AGAP1: variants seen among roughly 807,000 people sequenced by gnomAD.
AGAP1 encodes the protein arf-GAP with GTPase, ANK repeat and PH domain-containing protein 1.
AGAP1 carries 29 observed loss-of-function variants against 105.3 expected under a neutral mutation model. The ratio of observed to expected loss-of-function variants is 0.28; its 90% CI spans 0.21 to 0.38. The LOEUF (loss-of-function observed/expected upper bound fraction) is 0.38, where lower values mean the gene tolerates loss of function less well. Ranked by LOEUF, AGAP1 falls within the 10% of genes least tolerant of loss-of-function variation. The pLI is 1.00. For synonymous variants in AGAP1, 509 were observed against 485.9 expected, an observed-to-expected ratio of 1.05 and a Z score of -0.63; for missense variants, 998 against 1,165.1, an observed-to-expected ratio of 0.86 and a Z score of 2.09.
At chr2:236,048,617 A>C (rs146042834) in intron 15 of AGAP1, among the ~76,000 whole-genome samples, 1 of 152,182 alleles carries the variant, frequency 6.6e-6, no homozygotes, top group Non-Finnish European at 1.5e-5. Context: ...AGAGGTAGCA[A>C]TGAAGGAATG....
chr2:235,576,691 G>A (rs569847398), intron 1 of AGAP1, among the ~76,000 whole-genome samples: 2 of 152,256 alleles, frequency 1.3e-5, no homozygotes, highest in South Asian at 4.1e-4. Flanking sequence ...GGAGGGGGAT[G>A]CCTTGGCCTG....
intron 9 of AGAP1, among the ~76,000 whole-genome samples, chr2:235,812,877 G>A (rs757282190): frequency 1.2e-4 from 18 of 152,240 alleles, no homozygotes; most frequent in South Asian, 2.1e-4. Context: ...CTGCCTGGGC[G>A]TAGGGGCCCG....
intron 1 of AGAP1, among the ~76,000 whole-genome samples, chr2:235,627,521 G>T (rs1946682567): frequency 6.6e-6 from 1 of 152,060 alleles, no homozygotes; most frequent in Admixed American, 6.5e-5. Context: ...CACGGCGCCC[G>T]GCTATTTTGA....
chr2:235,874,814 CAT>C lies in AGAP1; in HGVS notation c.1051-8530_1051-8529del, dbSNP rs112408419. On this transcript the variant is annotated intron_variant, in intron 9 of 17. Transcript: ENST00000304032. The surrounding 1 kb of genome is among the most constrained non-coding windows in gnomAD (Gnocchi z 4.5). ...CCAAGATACCATGAGTGTGTGTGTG[CAT>C]GTGTGTGTGCGTGTGCTCTTGCACA... 7.7e-3 allele frequency among the ~76,000 whole-genome samples: 1,178 copies of C among 152,258 alleles called. 8 individuals are homozygous for C. The highest frequency in any genetic ancestry group is 0.027 in the African/African-American group (1,141 of 41,544).
chr2:235,505,929 CT>C (rs57692049), intron 1 of AGAP1: 8,644 of 131,108 alleles, frequency 0.066, 290 homozygotes, highest in Middle Eastern at 0.23. Flanking sequence ...AAATTCTTTT[CT>C]TTTTTTTTTT....
At position 235,970,226 on chromosome 2, in the gene AGAP1, AAAG is replaced by A. The variant is rs1458937977; in HGVS notation, c.1645+1605_1645+1607del. Among the ~76,000 whole-genome samples, 1 of 151,384 alleles carries A rather than the reference AAAG, an allele frequency of 6.6e-6. No individual in the cohort carries two copies. The highest frequency in any genetic ancestry group is 1.5e-5 in the Non-Finnish European group (1 of 67,810). Reference sequence around the variant, plus strand: ...GTCTTTAAAAAAAAAAAAAAAAAAAAAAGACGATTTTTCTCATGTTGTGGGGAG... The same window carrying A: ...GTCTTTAAAAAAAAAAAAAAAAAAAAACGATTTTTCTCATGTTGTGGGGAG... On this transcript the variant is annotated intron_variant, in intron 13 of 17. Transcript: ENST00000304032. The surrounding 1 kb of genome is among the most constrained non-coding windows in gnomAD (Gnocchi z 5.4).
chr2:235,777,307 G>A lies in AGAP1; in HGVS notation c.674-20452G>A, dbSNP rs1460117768. On this transcript the variant is annotated intron_variant, in intron 6 of 17. Transcript: ENST00000304032. This position sits in a 1 kb window ranked among gnomAD's most constrained non-coding sequence, Gnocchi z 5.1. ...GGAGGTTGCAGTGAGCCGAGATTGC[G>A]CCACTGCACTTCAGCCTGGGTGACA... Among the ~76,000 whole-genome samples the A allele has an allele frequency of 2.0e-5, 3 of 152,164 alleles. 1 individual carries two copies. The highest frequency in any genetic ancestry group is 3.9e-4 in the East Asian group (2 of 5,180).
chr2:235,947,871 G>A (rs2053565579), intron 12 of AGAP1, among the ~76,000 whole-genome samples: 1 of 152,230 alleles, frequency 6.6e-6, no homozygotes, highest in Non-Finnish European at 1.5e-5. Context: ...CTCTGAGGTG[G>A]TACTATTATC....
rs566912989 is a variant in AGAP1, at chr2:235,633,137, A to C, written c.164-76042A>C. Among the ~76,000 whole-genome samples, 78 of 152,248 alleles carry C rather than the reference A, an allele frequency of 5.1e-4. No individual in the cohort carries two copies. Among genetic ancestry groups the C allele is most frequent in the African/African-American group, 1.7e-3 (72 of 41,538 alleles). On this transcript the variant is annotated intron_variant, in intron 1 of 17. Transcript: ENST00000304032. This position sits in a 1 kb window ranked among gnomAD's most constrained non-coding sequence, Gnocchi z 4.8. ...GGGTCATGGCCCACATCCCTGTAAC[A>C]AAAGACAGGTTAACGAGAGAAAAGC...
At position 235,602,242 on chromosome 2, in the gene AGAP1, G is replaced by C. The variant is rs139093314; in HGVS notation, c.164-106937G>C. The stretch of plus-strand genomic sequence containing the variant: ...GCGAGCACAAATAAAGCCGTGTTGG[G>C]TCATAGCCATGCCTGTTTGCTCAAA... On this transcript the variant is annotated intron_variant, in intron 1 of 17. Coordinates refer to ENST00000304032, the MANE Select transcript of AGAP1 (RefSeq NM_001037131.3). Among the ~76,000 whole-genome samples the C allele has an allele frequency of 2.0e-3, 312 of 152,292 alleles. 1 individual carries two copies. Among genetic ancestry groups the C allele is most frequent in the African/African-American group, 7.0e-3 (290 of 41,560 alleles).
chr2:235,968,738 C>A, intron 13 of AGAP1, 115 bp downstream of exon 13: 2 of 1,109,020 alleles, frequency 1.8e-6, no homozygotes, highest in Non-Finnish European at 2.6e-6. Flanking sequence ...TAATGCTGGT[C>A]ACCGTATGTG....
chr2:235,603,483 C>T (rs184714541), intron 1 of AGAP1, among the ~76,000 whole-genome samples: 54 of 152,238 alleles, frequency 3.5e-4, no homozygotes, highest in Non-Finnish European at 4.6e-4. Flanking sequence ...ATGGGTGCTT[C>T]GCAGTGCTCA....
intron 16 of AGAP1, among the ~76,000 whole-genome samples, chr2:236,079,603 T>C (rs1032761121): frequency 1.4e-4 from 21 of 151,416 alleles, no homozygotes; most frequent in Admixed American, 4.0e-4. Flanking sequence ...TATACATACA[T>C]ACATATATAT....
At chr2:235,834,457 T>C (rs1022811225) in intron 9 of AGAP1, among the ~76,000 whole-genome samples, 5 of 152,178 alleles carry the variant, frequency 3.3e-5, no homozygotes, top group African/African-American at 1.2e-4. Context: ...CCTGTCCTCG[T>C]GCACCCACCC....
At position 235,721,872 on chromosome 2, in the gene AGAP1, A is replaced by G. The variant is rs1575226098; in HGVS notation, c.310+4228A>G. On this transcript the variant is annotated intron_variant, in intron 3 of 17. Coordinates refer to ENST00000304032, the MANE Select transcript of AGAP1 (RefSeq NM_001037131.3). This position sits in a 1 kb window ranked among gnomAD's most constrained non-coding sequence, Gnocchi z 4.5. ...GATCCAGGCCTCCTTTTCAGCAGAT[A>G]CATCAGATGCATTTTAGCTCCATCC... 2.0e-5 allele frequency among the ~76,000 whole-genome samples: 3 copies of G among 152,320 alleles called. No individual in the cohort carries two copies. The South Asian group carries it at 6.2e-4, about 32-fold the overall frequency.
At chr2:235,627,370 G>A (rs762586168) in intron 1 of AGAP1, among the ~76,000 whole-genome samples, 1 of 151,844 alleles carries the variant, frequency 6.6e-6, no homozygotes, top group Non-Finnish European at 1.5e-5. Flanking sequence ...GATCACAGGT[G>A]TGCACCACCA....
chr2:235,882,462 G>A lies in AGAP1; in HGVS notation c.1051-883G>A, dbSNP rs1262558375. 10 of 1,579,904 alleles carry A rather than the reference G, an allele frequency of 6.3e-6. No homozygotes were observed. Among genetic ancestry groups the A allele is most frequent in the East Asian group, 2.3e-5 (1 of 44,260 alleles). On this transcript the variant is annotated intron_variant, in intron 9 of 17. Transcript: ENST00000304032. This position sits in a 1 kb window ranked among gnomAD's most constrained non-coding sequence, Gnocchi z 4.6. ...CTTCAGCTTGGCCCTATTGAAGCTG[G>A]CGATTCCCCCCACGTCTGGTTTGTC...
intron 16 of AGAP1, chr2:236,049,566 T>G (rs2057831959): frequency 3.6e-6 from 1 of 277,180 alleles, no homozygotes; most frequent in East Asian, 7.1e-5. Context: ...TTACTTTAAT[T>G]AATACATTTC....
chr2:236,032,623 C>T (rs776011716), intron 13 of AGAP1, among the ~76,000 whole-genome samples: 6 of 152,064 alleles, frequency 3.9e-5, no homozygotes, highest in Non-Finnish European at 5.9e-5. Flanking sequence ...GCTGGATGCA[C>T]GCGTGCACGT....
Sources: gnomAD v4.1 joint callset for allele counts (sites outside exome capture counted in the v4.1 genomes callset) on GRCh38, gnomAD v4.1.1 for gene constraint, Gnocchi (gnomAD v3.1) non-coding constraint, MANE v1.5 for transcripts, NCBI Gene and HGNC (gene_info 2026-07-23, HGNC 2026-07-21) for gene names.